SPINT1: variants seen among roughly 807,000 people sequenced by gnomAD.
The protein encoded by SPINT1 is kunitz-type protease inhibitor 1.
SPINT1 carries 38 observed loss-of-function variants against 53.7 expected under a neutral mutation model. The ratio of observed to expected loss-of-function variants is 0.71; its 90% CI spans 0.55 to 0.93. SPINT1 has a LOEUF of 0.93. Among genes scored for constraint, SPINT1 ranks in the 40% least tolerant of loss-of-function variants. SPINT1 has a pLI of 0.00. For synonymous variants in SPINT1, 283 were observed against 280.6 expected (o/e 1.01, Z -0.08); for missense variants, 645 against 692.9 (o/e 0.93, Z 0.78).
intron 2 of SPINT1, among the ~76,000 whole-genome samples, chr15:40,847,520 TC>T (rs1239469631): frequency 6.6e-6 from 1 of 152,150 alleles, no homozygotes; most frequent in Admixed American, 6.5e-5. Flanking sequence ...AGCTTGCACT[TC>T]CTCTTCTCCC....
At chr15:40,848,335 C>A (rs925043196) in intron 2 of SPINT1, among the ~76,000 whole-genome samples, 15 of 152,146 alleles carry the variant, frequency 9.9e-5, no homozygotes, top group African/African-American at 3.4e-4. Flanking sequence ...CTCTAGAGAG[C>A]CTCTGTGGAG....
At chr15:40,849,784 C>G (rs1891402748) in intron 2 of SPINT1, among the ~76,000 whole-genome samples, 1 of 152,152 alleles carries the variant, frequency 6.6e-6, no homozygotes, top group Non-Finnish European at 1.5e-5. Flanking sequence ...ACTTTCTCAT[C>G]TGAAAAGAGG....
chr15:40,851,030 C>G (rs1247965813), intron 2 of SPINT1, among the ~76,000 whole-genome samples: 1 of 152,172 alleles, frequency 6.6e-6, no homozygotes, highest in Non-Finnish European at 1.5e-5. Context: ...AATGTTACTC[C>G]TGCTGTGTCC....
At chr15:40,851,345 G>T (rs1016808933) in intron 2 of SPINT1, among the ~76,000 whole-genome samples, 8 of 151,850 alleles carry the variant, frequency 5.3e-5, no homozygotes, top group African/African-American at 1.9e-4. Context: ...GTAGAGAGGG[G>T]GTTTCACTGT....
rs1891220096 is a variant in SPINT1 at position 40,844,624 on chromosome 15, C to T, written c.70C>T (p.Leu24Phe). The T allele has an allele frequency of 1.4e-5, 22 of 1,609,094 alleles. No individual in the cohort carries two copies. The highest frequency in any genetic ancestry group is 1.8e-5 in the Non-Finnish European group (21 of 1,178,426). ...PAGIPAVALW[L>F]LCTLGLQGTQ... ...CGGCATCCCTGCCGTCGCCTTGTGG[C>T]TTCTGTGCACGCTCGGCCTCCAGGG... The change falls in exon 2 of 11, where the codon CTT becomes TTT. Residue 24 changes from leucine to phenylalanine, a missense_variant. Coordinates refer to ENST00000562057, the MANE Select transcript of SPINT1 (RefSeq NM_003710.4). The surrounding 1 kb of genome is among the most constrained non-coding windows in gnomAD (Gnocchi z 5.8).
Position 40,853,790 on chromosome 15 carries a change from C to G in SPINT1, c.822C>G (p.Ile274Met). The G allele has an allele frequency of 6.2e-7, 1 of 1,614,250 alleles. No homozygotes were observed. The highest frequency in any genetic ancestry group is 8.5e-7 in the Non-Finnish European group (1 of 1,180,044). Residue 274 changes from isoleucine to methionine, a missense_variant, in exon 5 of 11, where the codon ATC becomes ATG. Transcript: ENST00000562057. ...PRWYYDPTEQ[I>M]CKSFVYGGCL... ...GGTACTATGACCCCACGGAGCAGAT[C>G]TGCAAGAGTTTCGTTTATGGAGGCT...
intron 2 of SPINT1, among the ~76,000 whole-genome samples, chr15:40,851,924 G>A (rs762323695): frequency 3.3e-5 from 5 of 152,218 alleles, no homozygotes; most frequent in Non-Finnish European, 7.3e-5. Flanking sequence ...GGGAGGCTGA[G>A]GCAGGAGAAT....
At chr15:40,851,368 G>A (rs936605256) in intron 2 of SPINT1, among the ~76,000 whole-genome samples, 3 of 152,002 alleles carry the variant, frequency 2.0e-5, no homozygotes, top group Non-Finnish European at 2.9e-5. Flanking sequence ...TAGCCAGGAT[G>A]GTCTCAATCT....
intron 2 of SPINT1, among the ~76,000 whole-genome samples, chr15:40,849,582 G>T: frequency 6.6e-6 from 1 of 152,132 alleles, no homozygotes; most frequent in Non-Finnish European, 1.5e-5. Flanking sequence ...ACCTAAACTA[G>T]AAAAGCAAAA....
At position 40,853,341 on chromosome 15, in the gene SPINT1, G is replaced by T. The variant is rs533945820; in HGVS notation, c.603+90G>T. The stretch of plus-strand genomic sequence containing the variant: ...GGGCCCTAGGCCAACCAATGGCCCC[G>T]GATGGGATGGGGTGGAGAGAGGCTG... On this transcript the variant is annotated intron_variant, in intron 3 of 10. Transcript: ENST00000562057. 2.5e-6 allele frequency: 4 copies of T among 1,603,436 alleles called. No homozygotes were observed. The African/African-American group carries it at 5.4e-5, about 21-fold the overall frequency.
In SPINT1 at chr15:40,855,899, C is replaced by A; in HGVS notation, c.1125C>A (p.Cys375Ter). Residue 375 changes from cysteine (C) to a stop codon, truncating the protein, a stop_gained, in exon 9 of 11, where the codon TGC becomes TGA. Transcript: ENST00000562057. LOFTEE classifies it high-confidence loss of function. ...RIHFPSDKGH[C>*]VDLPDTGLCK... ...CTACCCCATACCCCCCAGGGCACTG[C>A]GTGGACCTGCCAGACACAGGACTCT... 6.2e-7 allele frequency: 1 copy of A among 1,613,922 alleles called. No homozygotes were observed. The highest frequency in any genetic ancestry group is 1.1e-5 in the South Asian group (1 of 91,062).
chr15:40,853,752 T>C lies in SPINT1; in HGVS notation c.784T>C (p.Ser262Pro). The C allele has an allele frequency of 6.2e-7, 1 of 1,614,104 alleles. No homozygotes were observed. Among genetic ancestry groups the C allele is most frequent in the Non-Finnish European group, 8.5e-7 (1 of 1,179,988 alleles). The change falls in exon 5 of 11, where the codon TCT becomes CCT. Residue 262 changes from serine to proline, a missense_variant. By Grantham distance (74) the Ser-to-Pro change is moderately conservative. Transcript: ENST00000562057. ...CAACAAGGTGGGTCGCTGCCGGGGC[T>C]CTTTCCCACGCTGGTACTATGACCC... is the stretch of plus-strand genomic sequence containing the variant. The part of the protein sequence containing the change: ...ASNKVGRCRG[S>P]FPRWYYDPTE...
In SPINT1 at chr15:40,855,979, G is replaced by A. The variant is rs147386305; in HGVS notation, c.1205G>A (p.Arg402His). The part of the protein sequence containing the change: ...YYNPFSEHCA[R>H]FTYGGCYGNK... ...AACCCCTTCAGCGAACACTGCGCCC[G>A]CTTTACCTATGGTGGTTGTTACGGC... The change falls in exon 9 of 11, where the codon CGC becomes CAC. Residue 402 changes from arginine (R) to histidine (H), a missense_variant. Transcript: ENST00000562057. The A allele has an allele frequency of 3.5e-3, 5,713 of 1,614,206 alleles. 34 individuals carry two copies. Among genetic ancestry groups the A allele is most frequent in the Admixed American group, 0.015 (900 of 60,012 alleles).
chr15:40,850,641 T>C (rs1436534800), intron 2 of SPINT1, among the ~76,000 whole-genome samples: 1 of 152,240 alleles, frequency 6.6e-6, no homozygotes, highest in Non-Finnish European at 1.5e-5. Flanking sequence ...CCCTGGCTTT[T>C]CCTTCCCAGT....
At chr15:40,856,408 T>A (rs529147761) in intron 10 of SPINT1, 85 bp downstream of exon 10, 2 of 1,553,576 alleles carry the variant, frequency 1.3e-6, no homozygotes, top group South Asian at 1.1e-5. Flanking sequence ...CAGCCTAACC[T>A]GTGTTGAGAA....
chr15:40,844,744 G>C lies in SPINT1; in HGVS notation c.190G>C (p.Asp64His). The part of the protein sequence containing the change: ...FTAGVPGFVL[D>H]TNASVSNGAT... The stretch of plus-strand genomic sequence containing the variant: ...CGCCGGGGTGCCTGGCTTCGTGCTG[G>C]ACACCAACGCCTCGGTCAGCAACGG... The change falls in exon 2 of 11, where the codon GAC becomes CAC. Residue 64 changes from aspartate (D) to histidine (H), a missense_variant. Transcript: ENST00000562057. The surrounding 1 kb of genome is among the most constrained non-coding windows in gnomAD (Gnocchi z 5.8). 6.2e-7 allele frequency: 1 copy of C among 1,610,914 alleles called. No individual in the cohort carries two copies. The highest frequency in any genetic ancestry group is 1.1e-5 in the South Asian group (1 of 90,802).
chr15:40,856,045 C>T lies in SPINT1; in HGVS notation c.1271C>T (p.Ser424Phe), dbSNP rs746995222. 5 of 1,614,080 alleles carry T rather than the reference C, an allele frequency of 3.1e-6. No homozygotes were observed. The East Asian group carries it at 1.1e-4, about 36-fold the overall frequency. The change falls in exon 9 of 11, where the codon TCT (serine) becomes TTT (phenylalanine). Residue 424 changes from serine (S) to phenylalanine (F), a missense_variant. Coordinates refer to ENST00000562057, the MANE Select transcript of SPINT1 (RefSeq NM_003710.4). Reference sequence around the variant, plus strand: ...GAGGAAGAGCAGCAGTGCCTCGAGTCTTGTCGCGGCATCTCCAGTGAGTGG... The same window carrying T: ...GAGGAAGAGCAGCAGTGCCTCGAGTTTTGTCGCGGCATCTCCAGTGAGTGG... ...NFEEEQQCLE[S>F]CRGISKKDVF...
rs186666268 is a variant in SPINT1, at chr15:40,852,769, C to T, written c.476-355C>T. On this transcript the variant is annotated intron_variant, in intron 2 of 10. Coordinates refer to ENST00000562057, the MANE Select transcript of SPINT1 (RefSeq NM_003710.4). ...CTTTAGTCCCAGCTACTCACGAGGC[C>T]GAGGCAGGAGGATTGCTTGAGTTTG... Among the ~76,000 whole-genome samples the T allele has an allele frequency of 2.8e-4, 43 of 151,116 alleles. 1 individual carries two copies. In the East Asian group the frequency reaches 8.3e-3, roughly 29 times the overall value.
At chr15:40,849,417 T>A (rs1275618858) in intron 2 of SPINT1, among the ~76,000 whole-genome samples, 2 of 152,170 alleles carry the variant, frequency 1.3e-5, no homozygotes, top group Non-Finnish European at 2.9e-5. Context: ...GCTAATTTTT[T>A]ATTTTGTAAA....
Sources: gnomAD v4.1 joint callset for allele counts (sites outside exome capture counted in the v4.1 genomes callset) on GRCh38, gnomAD v4.1.1 for gene constraint, Gnocchi (gnomAD v3.1) non-coding constraint, MANE v1.5 for transcripts, NCBI Gene and HGNC (gene_info 2026-07-23, HGNC 2026-07-21) for gene names.